The following NDUFAF2 variants were observed in gnomAD, a reference collection of about 807,000 sequenced individuals.
NDUFAF2 encodes NADH:ubiquinone oxidoreductase complex assembly factor 2.
NDUFAF2 carries 13 observed loss-of-function variants against 22.8 expected under a neutral mutation model. The observed-to-expected ratio is 0.57, with a 90% CI of 0.37 to 0.91. The LOEUF (loss-of-function observed/expected upper bound fraction) is 0.91. Among genes scored for constraint, NDUFAF2 ranks in the 40% least tolerant of loss-of-function variants. The probability of loss-of-function intolerance (pLI) is 0.01; values close to 1 mark genes in which losing one functional copy is unlikely to be tolerated. For synonymous variants in NDUFAF2, 53 were observed against 64.2 expected, an observed-to-expected ratio of 0.83 and a Z score of 0.84; for missense variants, 162 against 195.2, an observed-to-expected ratio of 0.83 and a Z score of 1.01.
intron 3 of NDUFAF2, among the ~76,000 whole-genome samples, chr5:61,141,637 T>G (rs1429398479): frequency 6.6e-6 from 1 of 151,776 alleles, no homozygotes; most frequent in East Asian, 1.9e-4. Context: ...CCCTAGGCCC[T>G]TAAATTGTAG....
At chr5:61,026,982 C>T (rs564687673) in intron 1 of NDUFAF2, among the ~76,000 whole-genome samples, 47 of 151,080 alleles carry the variant, frequency 3.1e-4, no homozygotes, top group African/African-American at 1.1e-3. Context: ...TAACAGGATG[C>T]CCTCAGATAG....
chr5:61,129,272 A>C (rs904571054), intron 3 of NDUFAF2, among the ~76,000 whole-genome samples: 1 of 152,156 alleles, frequency 6.6e-6, no homozygotes, highest in Non-Finnish European at 1.5e-5. Flanking sequence ...ATACCATTTG[A>C]CCCAGCCATC....
chr5:61,013,141 G>A (rs1377038075), intron 1 of NDUFAF2, among the ~76,000 whole-genome samples: 2 of 152,012 alleles, frequency 1.3e-5, no homozygotes, highest in Non-Finnish European at 2.9e-5. Context: ...AGTGTTGCAA[G>A]CATTCAAAGA....
At chr5:60,965,209 T>C (rs2112569779) in intron 1 of NDUFAF2, among the ~76,000 whole-genome samples, 1 of 152,316 alleles carries the variant, frequency 6.6e-6, no homozygotes, top group South Asian at 2.1e-4. Flanking sequence ...AAATCTGACT[T>C]GACATAGCTG....
chr5:61,092,416 A>G (rs1752580316), intron 2 of NDUFAF2, among the ~76,000 whole-genome samples: 1 of 151,722 alleles, frequency 6.6e-6, no homozygotes, highest in South Asian at 2.1e-4. Context: ...AGTTCTCCTT[A>G]TCGAGATCTT....
intron 3 of NDUFAF2, among the ~76,000 whole-genome samples, chr5:61,126,622 G>C (rs186824504): frequency 2.0e-5 from 3 of 152,080 alleles, no homozygotes; most frequent in Admixed American, 1.3e-4. Flanking sequence ...ATTTTTAAAA[G>C]TCAGTACGTA....
At chr5:61,029,065 CATTT>C (rs1017800026) in intron 1 of NDUFAF2, among the ~76,000 whole-genome samples, 2 of 152,188 alleles carry the variant, frequency 1.3e-5, no homozygotes, top group African/African-American at 4.8e-5. Flanking sequence ...TTTAGTTACA[CATTT>C]AAGTGTATAT....
chr5:61,003,141 C>T (rs1173058786), intron 1 of NDUFAF2, among the ~76,000 whole-genome samples: 1 of 152,096 alleles, frequency 6.6e-6, no homozygotes. Flanking sequence ...ATAGCATTCT[C>T]TTTCCATAAA....
At chr5:60,948,559 T>G (rs563890679) in intron 1 of NDUFAF2, among the ~76,000 whole-genome samples, 9 of 152,162 alleles carry the variant, frequency 5.9e-5, no homozygotes, top group Admixed American at 2.6e-4. Flanking sequence ...TGCTTTTTTT[T>G]TTTTTTGTTT....
At chr5:60,965,413 T>C (rs1013347125) in intron 1 of NDUFAF2, among the ~76,000 whole-genome samples, 1 of 152,198 alleles carries the variant, frequency 6.6e-6, no homozygotes, top group African/African-American at 2.4e-5. Flanking sequence ...AATTTTCAAG[T>C]ATATAATACA....
intron 1 of NDUFAF2, among the ~76,000 whole-genome samples, chr5:61,051,337 T>A (rs1296587616): frequency 4.6e-5 from 7 of 152,198 alleles, no homozygotes; most frequent in Admixed American, 4.6e-4. Flanking sequence ...TATCGCTCTC[T>A]ATTGCAGTCA....
In NDUFAF2 at chr5:61,152,959, C is replaced by T. The variant is rs780571028; in HGVS notation, c.*4C>T. 1 of 1,613,608 alleles carries T rather than the reference C, an allele frequency of 6.2e-7. No homozygotes were observed. The highest frequency in any genetic ancestry group is 1.1e-5 in the South Asian group (1 of 91,012). Reference sequence around the variant, plus strand: ...TGGCAAGAGCCACAATCAATGAATGCATTATGGTCAAATCTTTTCATGTAT... The same window carrying T: ...TGGCAAGAGCCACAATCAATGAATGTATTATGGTCAAATCTTTTCATGTAT... On this transcript the variant is annotated 3_prime_UTR_variant, in exon 4 of 4. Coordinates refer to ENST00000296597, the MANE Select transcript of NDUFAF2 (RefSeq NM_174889.5).
intron 1 of NDUFAF2, among the ~76,000 whole-genome samples, chr5:61,070,172 C>A (rs1399552389): frequency 6.6e-6 from 1 of 152,004 alleles, no homozygotes; most frequent in Non-Finnish European, 1.5e-5. Flanking sequence ...TAAATTAGAA[C>A]CTAAAATTTT....
chr5:60,999,224 A>T (rs1401822883), intron 1 of NDUFAF2, among the ~76,000 whole-genome samples: 3 of 152,076 alleles, frequency 2.0e-5, no homozygotes, highest in Admixed American at 2.0e-4. Context: ...ACTCCTAGGT[A>T]TATACAAAAA....
chr5:60,968,216 A>G (rs1347603131), intron 1 of NDUFAF2, among the ~76,000 whole-genome samples: 2 of 151,268 alleles, frequency 1.3e-5, no homozygotes, highest in East Asian at 1.9e-4. Flanking sequence ...TATTATTTGT[A>G]TATTCTCTCT....
chr5:60,976,449 A>G (rs1478256072), intron 1 of NDUFAF2, among the ~76,000 whole-genome samples: 1 of 152,016 alleles, frequency 6.6e-6, no homozygotes, highest in Non-Finnish European at 1.5e-5. Flanking sequence ...TGTCCTCCGC[A>G]CTTATGTTGA....
chr5:61,057,257 A>G (rs971782348), intron 1 of NDUFAF2, among the ~76,000 whole-genome samples: 12 of 152,138 alleles, frequency 7.9e-5, no homozygotes, highest in African/African-American at 2.9e-4. Context: ...AGCAAGCCTT[A>G]AATCAAGTTC....
At chr5:61,138,711 A>C (rs1195970721) in intron 3 of NDUFAF2, among the ~76,000 whole-genome samples, 1 of 152,180 alleles carries the variant, frequency 6.6e-6, no homozygotes, top group African/African-American at 2.4e-5. Context: ...GGGGTCAGGG[A>C]AACACTGTAG....
intron 1 of NDUFAF2, among the ~76,000 whole-genome samples, chr5:60,986,983 A>G (rs1164890814): frequency 1.3e-5 from 2 of 151,778 alleles, no homozygotes; most frequent in Admixed American, 6.6e-5. Flanking sequence ...ACAAGGACCA[A>G]TGAATCCAGG....
Sources: allele counts gnomAD v4.1 joint callset (sites outside exome capture counted in the v4.1 genomes callset), GRCh38; gene constraint gnomAD v4.1.1; transcripts MANE v1.5; gene names NCBI Gene and HGNC (gene_info 2026-07-23, HGNC 2026-07-21).